CDC14A: variants seen among roughly 807,000 people sequenced by gnomAD.
CDC14A encodes cell division cycle 14A.
In CDC14A, 53 loss-of-function variants were observed where a neutral mutation model predicts 74.4. That is an observed-to-expected ratio of 0.71 (90% CI 0.57 to 0.89). The LOEUF (loss-of-function observed/expected upper bound fraction) is 0.89, where lower values mean the gene tolerates loss of function less well. Among genes scored for constraint, CDC14A ranks in the 40% least tolerant of loss-of-function variants. The pLI, the probability that CDC14A is intolerant of heterozygous loss-of-function variation, is 0.00. For synonymous variants in CDC14A, 247 were observed against 258.4 expected, an observed-to-expected ratio of 0.96 and a Z score of 0.43; for missense variants, 646 against 713.7, an observed-to-expected ratio of 0.91 and a Z score of 1.08.
chr1:100,484,300 C>T lies in CDC14A; in HGVS notation c.986C>T (p.Ala329Val), dbSNP rs778849634. 8.4e-6 allele frequency: 13 copies of T among 1,555,256 alleles called. No homozygotes were observed. The South Asian group carries it at 1.5e-4, about 18-fold the overall frequency. Residue 329 changes from alanine to valine, a missense_variant, in exon 11 of 16, where the codon GCA becomes GTA. Physicochemically the swap from Ala to Val is moderately conservative, Grantham distance 64. Transcript: ENST00000336454. ...PQQHFLEEKQASLWVQGDIFR... is the reference protein window; with the variant it reads ...PQQHFLEEKQVSLWVQGDIFR... ...TTTTGTTTTTTATACAGAAAACAAG[C>T]ATCGTTGTGGGTCCAAGGAGACATT...
At chr1:100,491,548 C>CTATATATATATA (rs67056785) in intron 11 of CDC14A, among the ~76,000 whole-genome samples, 9 of 38,752 alleles carry the variant, frequency 2.3e-4, no homozygotes, top group Non-Finnish European at 4.5e-4. Context: ...CTCTCTCTCT[C>CTATATATATATA]TATATATATA....
chr1:100,378,280 C>T (rs917153832), intron 3 of CDC14A, among the ~76,000 whole-genome samples: 1 of 151,714 alleles, frequency 6.6e-6, no homozygotes, highest in Admixed American at 6.6e-5. Flanking sequence ...CATCTATATA[C>T]CTAGTTTTAG....
intron 4 of CDC14A, among the ~76,000 whole-genome samples, chr1:100,414,120 G>C (rs1661215979): frequency 6.6e-6 from 1 of 151,976 alleles, no homozygotes; most frequent in African/African-American, 2.4e-5. Flanking sequence ...ACTAGCTTAG[G>C]AAACTTAAAA....
chr1:100,467,959 G>C lies in CDC14A; in HGVS notation c.842G>C (p.Gly281Ala). The part of the protein sequence containing the change: ...EGAIAVHCKA[G>A]LGRTGTLIAC... ...ATTCTGTTTCATTCTCTTACAGCTG[G>C]TCTTGGAAGAACAGGGACATTGATA... Residue 281 changes from glycine to alanine, a missense_variant, in exon 10 of 16, where the codon GGT becomes GCT. Coordinates refer to ENST00000336454, the MANE Select transcript of CDC14A (RefSeq NM_003672.4). The C allele has an allele frequency of 6.3e-7, 1 of 1,590,398 alleles. No individual in the cohort carries two copies. Among genetic ancestry groups the C allele is most frequent in the Non-Finnish European group, 8.5e-7 (1 of 1,172,432 alleles).
intron 15 of CDC14A, chr1:100,505,047 C>T (rs1649114440): frequency 1.9e-6 from 2 of 1,027,758 alleles, no homozygotes. Context: ...GAATTGTCTC[C>T]AAATTTAAAC....
At chr1:100,369,138 G>A (rs6687020) in intron 2 of CDC14A, among the ~76,000 whole-genome samples, 10 of 150,576 alleles carry the variant, frequency 6.6e-5, no homozygotes, top group Non-Finnish European at 8.9e-5. Context: ...GTGCAGTGGC[G>A]CAATCTCGGC....
At chr1:100,474,015 G>A (rs1284495680) in intron 10 of CDC14A, among the ~76,000 whole-genome samples, 2 of 152,038 alleles carry the variant, frequency 1.3e-5, no homozygotes, top group African/African-American at 2.4e-5. Context: ...AGGTCGAGGC[G>A]GTTCCCCTCT....
upstream of CDC14A, among the ~76,000 whole-genome samples, chr1:100,349,678 C>G (rs376263924): frequency 1.3e-4 from 20 of 152,324 alleles, no homozygotes; most frequent in South Asian, 1.9e-3. Context: ...GGGTCTCACT[C>G]TGTCACCCAG....
At position 100,429,434 on chromosome 1, in the gene CDC14A, A is replaced by AT. The variant is rs1663370409; in HGVS notation, c.389+5133_389+5134insT. On this transcript the variant is annotated intron_variant, in intron 5 of 15. Transcript: ENST00000336454. ...TGAACATTCGATGTCTTATCCCTTT[A>AT]GTTTTTTCCTAAAGCTTGGAGAAGA... Among the ~76,000 whole-genome samples, 4 of 150,892 alleles carry AT rather than the reference A, an allele frequency of 2.7e-5. No individual in the cohort carries two copies. The South Asian group carries it at 8.3e-4, about 31-fold the overall frequency.
intron 2 of CDC14A, 93 bp downstream of exon 2, chr1:100,353,945 T>TC (rs112508872): frequency 2.9e-4 from 201 of 700,470 alleles, no homozygotes; most frequent in South Asian, 9.0e-4. Context: ...TTTATTCATT[T>TC]CCCCCCCAAT....
At chr1:100,436,234 A>T (rs1029264387) in intron 5 of CDC14A, among the ~76,000 whole-genome samples, 5 of 152,134 alleles carry the variant, frequency 3.3e-5, no homozygotes, top group African/African-American at 1.2e-4. Context: ...GATGGTCCCG[A>T]CTATATTGGT....
At chr1:100,510,046 A>G (rs28364907) in intron 15 of CDC14A, among the ~76,000 whole-genome samples, 28,383 of 151,362 alleles carry the variant, frequency 0.19, 3,069 homozygotes, top group African/African-American at 0.28. Context: ...CCTATTAGGA[A>G]CCTCGTTTCC....
intron 15 of CDC14A, among the ~76,000 whole-genome samples, chr1:100,504,449 A>G (rs1247925957): frequency 6.6e-6 from 1 of 152,122 alleles, no homozygotes; most frequent in Admixed American, 6.5e-5. Context: ...GGGTTGGCAA[A>G]CTTTTTCTGT....
At chr1:100,396,887 G>T (rs371509357) in intron 4 of CDC14A, among the ~76,000 whole-genome samples, 1 of 152,100 alleles carries the variant, frequency 6.6e-6, no homozygotes, top group Non-Finnish European at 1.5e-5. Flanking sequence ...ATATCTAAGT[G>T]GGGGGAGACT....
At chr1:100,393,410 G>C in intron 4 of CDC14A, 1 of 811,114 alleles carries the variant, frequency 1.2e-6, no homozygotes, top group Non-Finnish European at 2.2e-6. Context: ...ATGCAGTAAT[G>C]CCATTTTTTT....
At chr1:100,486,848 G>T (rs926168004) in intron 11 of CDC14A, among the ~76,000 whole-genome samples, 5 of 152,146 alleles carry the variant, frequency 3.3e-5, no homozygotes, top group African/African-American at 1.2e-4. Flanking sequence ...TACTTTATTA[G>T]CTAGTTAATG....
chr1:100,479,843 C>G (rs1440363763), intron 10 of CDC14A, among the ~76,000 whole-genome samples: 1 of 152,098 alleles, frequency 6.6e-6, no homozygotes, highest in East Asian at 1.9e-4. Context: ...AAAATAAAAT[C>G]CTAATATGGG....
chr1:100,350,306 T>G (rs1203191195), upstream of CDC14A, among the ~76,000 whole-genome samples: 2 of 152,218 alleles, frequency 1.3e-5, no homozygotes, highest in Admixed American at 1.3e-4. Flanking sequence ...TTGGCCAGGA[T>G]GGTCTTGAAC....
At position 100,440,052 on chromosome 1, in the gene CDC14A, A is replaced by T. The variant is rs1315839412; in HGVS notation, c.456+54A>T. 9.9e-6 allele frequency: 13 copies of T among 1,307,168 alleles called. No homozygotes were observed. The East Asian group carries it at 2.8e-4, about 28-fold the overall frequency. The allele number at this position is 1,307,168 out of a possible 1,614,324, so 81.0% of individuals were successfully genotyped here. A position where few individuals can be genotyped will look rare whatever the true frequency, so the allele number is the denominator to read the frequency against. On this transcript the variant is annotated intron_variant, in intron 6 of 15. Coordinates refer to ENST00000336454, the MANE Select transcript of CDC14A (RefSeq NM_003672.4). The stretch of plus-strand genomic sequence containing the variant: ...ACACAGTAGTTTAAAAAAATATGAG[A>T]AAGGAATAATCTCAACATCCTTATT...
Sources: gnomAD v4.1 joint callset for allele counts (sites outside exome capture counted in the v4.1 genomes callset) on GRCh38, gnomAD v4.1.1 for gene constraint, MANE v1.5 for transcripts, NCBI Gene and HGNC (gene_info 2026-07-23, HGNC 2026-07-21) for gene names.